The following DUSP22 variants were observed in gnomAD, a reference collection of about 807,000 sequenced individuals.
The protein encoded by DUSP22 is dual specificity phosphatase 22, also known as dual specificity protein phosphatase 22.
A neutral mutation model predicts 24.5 loss-of-function variants in DUSP22; 24 were observed. That is an observed-to-expected ratio of 0.98 (90% CI 0.71 to 1.38). The LOEUF (loss-of-function observed/expected upper bound fraction) is 1.38, where lower values mean the gene tolerates loss of function less well. Among genes scored for constraint, DUSP22 ranks in the 40% most tolerant of loss-of-function variants. The pLI is 0.00. For synonymous variants in DUSP22, 160 were observed against 106.4 expected (o/e 1.50, Z -3.10); for missense variants, 330 against 269.2 (o/e 1.23, Z -1.58).
At chr6:348,493 C>A (rs1759997407) in intron 6 of DUSP22, 2 of 861,466 alleles carry the variant, frequency 2.3e-6, no homozygotes, top group Non-Finnish European at 3.5e-6. Context: ...TCTCCTTGTG[C>A]CTGGTACTCC....
At chr6:321,302 ATTGT>A (rs1392354825) in intron 3 of DUSP22, among the ~76,000 whole-genome samples, 17 of 152,412 alleles carry the variant, frequency 1.1e-4, no homozygotes, top group Admixed American at 3.3e-4. Context: ...TAGCAAAGAC[ATTGT>A]TTGTTAAGCT....
intron 5 of DUSP22, among the ~76,000 whole-genome samples, chr6:346,986 T>G (rs1267753308): frequency 6.6e-6 from 1 of 152,310 alleles, no homozygotes; most frequent in East Asian, 1.9e-4. Flanking sequence ...ATACAGTTCT[T>G]GAAATCACAT....
chr6:341,513 C>T (rs981248165), intron 4 of DUSP22, among the ~76,000 whole-genome samples: 60 of 152,406 alleles, frequency 3.9e-4, no homozygotes, highest in African/African-American at 3.1e-4. Context: ...GCAGTGCGCT[C>T]GCCTGCCTCT....
chr6:301,022 A>G (rs1039148232), intron 1 of DUSP22, among the ~76,000 whole-genome samples: 17 of 152,298 alleles, frequency 1.1e-4, no homozygotes, highest in Admixed American at 6.5e-4. Flanking sequence ...ACTCTAGGCT[A>G]TCCCTGCAGC....
At chr6:348,297 C>A in intron 6 of DUSP22, 23 bp downstream of exon 6, 2 of 1,613,656 alleles carry the variant, frequency 1.2e-6, no homozygotes, top group Non-Finnish European at 1.7e-6. Flanking sequence ...TAGGGGACAT[C>A]AGAGATGCAG....
intron 3 of DUSP22, among the ~76,000 whole-genome samples, chr6:327,542 C>A (rs1286722846): frequency 4.6e-5 from 7 of 152,308 alleles, no homozygotes; most frequent in African/African-American, 1.7e-4. Context: ...TAGATGATGA[C>A]CACAGCCGTG....
At chr6:302,927 A>G (rs1249925182) in intron 1 of DUSP22, among the ~76,000 whole-genome samples, 1 of 152,284 alleles carries the variant, frequency 6.6e-6, no homozygotes, top group African/African-American at 2.4e-5. Context: ...GTGGAGGAAC[A>G]GGAGCTTGGT....
intron 3 of DUSP22, among the ~76,000 whole-genome samples, chr6:322,773 G>A (rs1169934299): frequency 6.6e-6 from 1 of 152,070 alleles, no homozygotes; most frequent in Non-Finnish European, 1.5e-5. Context: ...CATGGTGGTG[G>A]TGGTGATGGA....
intron 3 of DUSP22, among the ~76,000 whole-genome samples, chr6:330,118 A>T (rs1759075040): frequency 6.6e-6 from 1 of 152,424 alleles, no homozygotes; most frequent in Admixed American, 6.5e-5. Flanking sequence ...AACAGACACC[A>T]TTGCTGGAGG....
intron 1 of DUSP22, among the ~76,000 whole-genome samples, chr6:301,612 T>G (rs532839236): frequency 6.6e-6 from 1 of 152,294 alleles, no homozygotes; most frequent in African/African-American, 2.4e-5. Flanking sequence ...CCTGTGTGAA[T>G]TGAGGCTCTG....
intron 1 of DUSP22, among the ~76,000 whole-genome samples, chr6:298,623 A>G (rs572690446): frequency 5.9e-5 from 9 of 152,420 alleles, no homozygotes; most frequent in Admixed American, 2.0e-4. Context: ...AGGAGGAACC[A>G]TCAAGCGTGG....
At chr6:328,083 C>T (rs956858677) in intron 3 of DUSP22, among the ~76,000 whole-genome samples, 3 of 152,304 alleles carry the variant, frequency 2.0e-5, no homozygotes, top group African/African-American at 7.2e-5. Flanking sequence ...ACAGAGAACA[C>T]TCCTAGAATA....
intron 4 of DUSP22, among the ~76,000 whole-genome samples, chr6:339,124 A>G (rs951782224): frequency 3.3e-5 from 5 of 152,302 alleles, no homozygotes; most frequent in African/African-American, 1.2e-4. Context: ...TGTGTTTTGC[A>G]TGATTTTGTC....
intron 3 of DUSP22, among the ~76,000 whole-genome samples, chr6:319,272 G>A (rs370909546): frequency 7.2e-3 from 1,090 of 151,948 alleles, no homozygotes; most frequent in African/African-American, 0.025. Flanking sequence ...ATGACAGGTA[G>A]ATTTCATTTG....
At chr6:295,215 C>G (rs1382658863) in intron 1 of DUSP22, among the ~76,000 whole-genome samples, 2 of 152,298 alleles carry the variant, frequency 1.3e-5, no homozygotes, top group African/African-American at 2.4e-5. Context: ...CCTGAGGTTA[C>G]TGGGACAAGA....
In DUSP22 at chr6:351,066, C is replaced by A; in HGVS notation, c.*2115C>A. On this transcript the variant is annotated 3_prime_UTR_variant, in exon 7 of 7. Transcript: ENST00000419235. ...CAAGAGAAAATATTTTCCCCTTATC[C>A]CCACTGCTGTGGAGGTTTCTGTACC... is the stretch of plus-strand genomic sequence containing the variant. The A allele has an allele frequency of 1.2e-6, 1 of 851,432 alleles. No individual in the cohort carries two copies. The highest frequency in any genetic ancestry group is 1.8e-5 in the South Asian group (1 of 55,622). 52.7% of individuals were successfully genotyped at this position (851,432 alleles called of 1,614,324 possible).
chr6:330,882 C>T (rs1330988859), intron 3 of DUSP22, among the ~76,000 whole-genome samples: 6 of 152,296 alleles, frequency 3.9e-5, no homozygotes, highest in African/African-American at 7.2e-5. Context: ...GGTTTTATAC[C>T]GGTTGTTCTA....
chr6:300,881 C>G (rs1757550694), intron 1 of DUSP22, among the ~76,000 whole-genome samples: 1 of 152,308 alleles, frequency 6.6e-6, no homozygotes, highest in Admixed American at 6.5e-5. Context: ...GACTCAGGGG[C>G]AACCTTGGCA....
At position 335,119 on chromosome 6, in the gene DUSP22, T is replaced by C. The variant is rs753419769; in HGVS notation, c.144T>C (p.Val48=). Residue 48 remains valine, a synonymous_variant, in exon 4 of 7, where the codon GTT becomes GTC. Coordinates refer to ENST00000419235, the MANE Select transcript of DUSP22 (RefSeq NM_001286555.3). Reference sequence around the variant, plus strand: ...TACTTTTTATTATTCTGCAGGGAGTTAAATACCTGTGCATCCCAGCAGCGG... The same window carrying C: ...TACTTTTTATTATTCTGCAGGGAGTCAAATACCTGTGCATCCCAGCAGCGG... The part of the protein sequence containing the change: ...HDSARPMLEG[V]KYLCIPAADS... The C allele has an allele frequency of 1.9e-6, 3 of 1,613,842 alleles. No individual in the cohort carries two copies. Among genetic ancestry groups the C allele is most frequent in the Non-Finnish European group, 2.5e-6 (3 of 1,179,704 alleles).
Sources: allele counts gnomAD v4.1 joint callset (sites outside exome capture counted in the v4.1 genomes callset), GRCh38; gene constraint gnomAD v4.1.1; transcripts MANE v1.5; gene names NCBI Gene and HGNC (gene_info 2026-07-23, HGNC 2026-07-21).